ROBO2: variants seen among roughly 807,000 people sequenced by gnomAD.
The protein encoded by ROBO2 is roundabout homolog 2.
Under a neutral mutation model 160.8 loss-of-function variants are expected in ROBO2, and 53 were observed. That is an observed-to-expected ratio of 0.33 (90% confidence interval 0.26 to 0.41). ROBO2 has a LOEUF of 0.41. Among genes scored for constraint, ROBO2 ranks in the 10% least tolerant of loss-of-function variants. The probability of loss-of-function intolerance (pLI) is 1.00; values close to 1 mark genes in which losing one functional copy is unlikely to be tolerated. For synonymous variants in ROBO2, 664 were observed against 611.7 expected (o/e 1.09, Z -1.26); for missense variants, 1,577 against 1,722.4 (o/e 0.92, Z 1.49).
At chr3:76,559,956 T>A (rs1438703130) in intron 2 of ROBO2, among the ~76,000 whole-genome samples, 1 of 152,180 alleles carries the variant, frequency 6.6e-6, no homozygotes, top group Non-Finnish European at 1.5e-5. Flanking sequence ...TCTGTGCAGT[T>A]TTCCAAAACT....
intron 2 of ROBO2, among the ~76,000 whole-genome samples, chr3:76,611,184 C>T (rs1237670326): frequency 6.6e-6 from 1 of 152,080 alleles, no homozygotes; most frequent in Non-Finnish European, 1.5e-5. Context: ...ATCGTGCACT[C>T]CATCTGGAAC....
At chr3:77,334,657 C>CTCT (rs1320115822) in intron 2 of ROBO2, among the ~76,000 whole-genome samples, 1 of 152,174 alleles carries the variant, frequency 6.6e-6, no homozygotes, top group Non-Finnish European at 1.5e-5. Context: ...GGCAATAGCT[C>CTCT]TCTAGTAGTG....
chr3:77,510,502 G>T (rs1393576802), intron 5 of ROBO2, among the ~76,000 whole-genome samples: 2 of 152,054 alleles, frequency 1.3e-5, no homozygotes, highest in African/African-American at 4.8e-5. Context: ...TGGCCAAAGA[G>T]AGATGGAGAC....
chr3:77,504,407 A>G (rs1392124564), intron 5 of ROBO2, among the ~76,000 whole-genome samples: 1 of 140,794 alleles, frequency 7.1e-6, no homozygotes, highest in Admixed American at 7.0e-5. Flanking sequence ...CATTCAGTGC[A>G]GTGCTTCTCA....
intron 2 of ROBO2, among the ~76,000 whole-genome samples, chr3:76,217,693 C>T (rs144902986): frequency 0.028 from 4,241 of 152,146 alleles, 56 homozygotes; most frequent in Middle Eastern, 0.044. Context: ...CCAAAAAAAT[C>T]CAGGACCAGA....
chr3:76,257,632 A>G (rs1484710818), intron 2 of ROBO2, among the ~76,000 whole-genome samples: 1 of 152,024 alleles, frequency 6.6e-6, no homozygotes, highest in East Asian at 1.9e-4. Flanking sequence ...CACTGCATAC[A>G]GTTATTTCTG....
chr3:76,771,359 C>T (rs1576528567), intron 2 of ROBO2, among the ~76,000 whole-genome samples: 1 of 151,222 alleles, frequency 6.6e-6, no homozygotes, highest in Non-Finnish European at 1.5e-5. Context: ...AATATGGCTA[C>T]TAGCAAACTT....
chr3:76,545,932 G>T (rs1486093336), intron 2 of ROBO2, among the ~76,000 whole-genome samples: 10 of 151,720 alleles, frequency 6.6e-5, no homozygotes, highest in Non-Finnish European at 1.3e-4. Flanking sequence ...TTCTGAAAGG[G>T]TTTTAAGGTG....
chr3:77,527,493 A>G, intron 6 of ROBO2, 79 bp downstream of exon 7: 1 of 999,886 alleles, frequency 1.0e-6, no homozygotes, highest in South Asian at 1.5e-5. Flanking sequence ...ATTTGACAGA[A>G]TGAAATATAT....
intron 2 of ROBO2, among the ~76,000 whole-genome samples, chr3:76,274,055 C>A (rs1707770098): frequency 6.6e-6 from 1 of 152,148 alleles, no homozygotes; most frequent in Admixed American, 6.5e-5. Flanking sequence ...ATGAAAGGAT[C>A]TAATCACTTC....
intron 2 of ROBO2, among the ~76,000 whole-genome samples, chr3:76,915,086 T>C (rs1559696480): frequency 6.6e-6 from 1 of 152,242 alleles, no homozygotes. Context: ...CCTTCTTCTT[T>C]ATAACATTTT....
At chr3:77,446,328 A>G (rs1368113650) in intron 2 of ROBO2, among the ~76,000 whole-genome samples, 1 of 152,164 alleles carries the variant, frequency 6.6e-6, no homozygotes, top group South Asian at 2.1e-4. Flanking sequence ...TCTCTTTCTC[A>G]TATGATAATG....
At chr3:76,139,144 G>C (rs2071540295) in intron 2 of ROBO2, among the ~76,000 whole-genome samples, 1 of 152,046 alleles carries the variant, frequency 6.6e-6, no homozygotes, top group Non-Finnish European at 1.5e-5. Context: ...AGAGCTAATA[G>C]GAAACAGTTC....
chr3:76,083,865 A>G (rs1022222179), intron 2 of ROBO2, among the ~76,000 whole-genome samples: 1 of 152,130 alleles, frequency 6.6e-6, no homozygotes, highest in Admixed American at 6.6e-5. Flanking sequence ...GGCAATCTCA[A>G]CGATGATGGC....
intron 2 of ROBO2, among the ~76,000 whole-genome samples, chr3:76,235,311 C>T (rs1287082299): frequency 6.6e-6 from 1 of 152,078 alleles, no homozygotes; most frequent in Non-Finnish European, 1.5e-5. Flanking sequence ...GGGAAGAAGG[C>T]CATGTGAAGG....
intron 2 of ROBO2, among the ~76,000 whole-genome samples, chr3:76,897,137 G>T (rs183390535): frequency 6.6e-6 from 1 of 152,072 alleles, no homozygotes; most frequent in Non-Finnish European, 1.5e-5. Context: ...CTAAAACTAC[G>T]TTAAGCAGTT....
chr3:76,988,954 A>C (rs2060525272), intron 2 of ROBO2, among the ~76,000 whole-genome samples: 1 of 152,166 alleles, frequency 6.6e-6, no homozygotes, highest in Admixed American at 6.6e-5. Flanking sequence ...ATTTATATTA[A>C]GGTATATAAT....
At chr3:77,019,929 G>A (rs867829279) in intron 2 of ROBO2, among the ~76,000 whole-genome samples, 4 of 152,120 alleles carry the variant, frequency 2.6e-5, no homozygotes, top group Non-Finnish European at 4.4e-5. Flanking sequence ...CTTCCTGGTC[G>A]ACTTGGTTAT....
At chr3:77,080,111 T>C (rs1401393805) in intron 1 of ROBO2, among the ~76,000 whole-genome samples, 2 of 152,194 alleles carry the variant, frequency 1.3e-5, no homozygotes, top group African/African-American at 4.8e-5. Context: ...TTGGCTTTTG[T>C]GTCCTGTGCT....
Sources: gnomAD v4.1 joint callset for allele counts (sites outside exome capture counted in the v4.1 genomes callset) on GRCh38, gnomAD v4.1.1 for gene constraint, MANE v1.5 for transcripts, NCBI Gene and HGNC (gene_info 2026-07-23, HGNC 2026-07-21) for gene names.